Variants in MAP2K5 observed in about 807,000 individuals in gnomAD.
MAP2K5 encodes the protein dual specificity mitogen-activated protein kinase kinase 5.
A neutral mutation model predicts 83.1 loss-of-function variants in MAP2K5; 49 were observed. The observed-to-expected ratio is 0.59, with a 90% CI of 0.47 to 0.75. The LOEUF is 0.75. Among genes scored for constraint, MAP2K5 ranks in the 30% least tolerant of loss-of-function variants. The pLI is 0.00. For missense variants in MAP2K5, 457 were observed against 557.5 expected (o/e 0.82, Z 1.82); for synonymous variants, 202 against 191.8 (o/e 1.05, Z -0.44).
At chr15:67,751,917 A>G (rs577186321) in intron 19 of MAP2K5, among the ~76,000 whole-genome samples, 2 of 152,296 alleles carry the variant, frequency 1.3e-5, no homozygotes, top group South Asian at 2.1e-4. Context: ...CATGCCTTAC[A>G]TGGCTGTACT....
rs1157587428 is a variant in MAP2K5 at position 67,781,963 on chromosome 15, T to C, written c.1242+9211T>C. Among the ~76,000 whole-genome samples the C allele has an allele frequency of 6.6e-6, 1 of 152,250 alleles. No individual in the cohort carries two copies. Among genetic ancestry groups the C allele is most frequent in the Non-Finnish European group, 1.5e-5 (1 of 68,044 alleles). On this transcript the variant is annotated intron_variant, in intron 21 of 21. Coordinates refer to ENST00000178640, the MANE Select transcript of MAP2K5 (RefSeq NM_145160.3). The surrounding 1 kb of genome is among the most constrained non-coding windows in gnomAD (Gnocchi z 4.0). ...AACATTTTTAATTGGATTTTCATGG[T>C]GATTGACAGCATTTGATTATGACAG...
chr15:67,600,704 G>A lies in MAP2K5; in HGVS notation c.500G>A (p.Arg167Gln), dbSNP rs760337605. The change falls in exon 8 of 22, where the codon CGA (arginine) becomes CAA (glutamine). Residue 167 changes from arginine (R) to glutamine (Q), a missense_variant. Arg to Gln is a conservative substitution (Grantham distance 43). This residue lies in a region of MAP2K5 where 234 missense variants were observed against 243.6 expected (regional missense o/e 0.96). Transcript: ENST00000178640. ...ANGQMNEQDI[R>Q]YRDTLGHGNG... is the part of the protein sequence containing the mutation. Reference sequence around the variant, plus strand: ...GTGGAGATGAATGAACAAGACATACGATATCGGGACACTCTTGGTCATGGC... The same window carrying A: ...GTGGAGATGAATGAACAAGACATACAATATCGGGACACTCTTGGTCATGGC... The A allele has an allele frequency of 3.7e-6, 6 of 1,609,404 alleles. No individual in the cohort carries two copies. Among genetic ancestry groups the A allele is most frequent in the South Asian group, 1.1e-5 (1 of 90,468 alleles).
intron 11 of MAP2K5, among the ~76,000 whole-genome samples, chr15:67,656,359 C>T (rs1173821173): frequency 6.8e-6 from 1 of 146,580 alleles, no homozygotes; most frequent in African/African-American, 2.5e-5. Context: ...GGGTCTTACT[C>T]TGTCACCCAG....
chr15:67,598,246 C>T, intron 7 of MAP2K5, among the ~76,000 whole-genome samples: 1 of 152,082 alleles, frequency 6.6e-6, no homozygotes, highest in East Asian at 1.9e-4. Flanking sequence ...AACTGTCAAT[C>T]AGTTCACAGG....
intron 19 of MAP2K5, among the ~76,000 whole-genome samples, chr15:67,766,243 G>A (rs150119642): frequency 2.2e-4 from 34 of 152,294 alleles, no homozygotes; most frequent in African/African-American, 6.3e-4. Context: ...TAGACTCTCC[G>A]ATTGAGGCTT....
chr15:67,725,897 A>G (rs1026858775), intron 16 of MAP2K5, among the ~76,000 whole-genome samples: 1 of 152,196 alleles, frequency 6.6e-6, no homozygotes, highest in African/African-American at 2.4e-5. Flanking sequence ...TATTGAAAGG[A>G]GGTGGGGTGG....
chr15:67,631,704 G>A (rs1181819913), intron 9 of MAP2K5, among the ~76,000 whole-genome samples: 1 of 152,166 alleles, frequency 6.6e-6, no homozygotes, highest in Non-Finnish European at 1.5e-5. Flanking sequence ...CCAAACTCCA[G>A]CATCCCAGTC....
chr15:67,603,331 C>A (rs570625529), intron 8 of MAP2K5, among the ~76,000 whole-genome samples: 1 of 152,284 alleles, frequency 6.6e-6, no homozygotes, highest in East Asian at 1.9e-4. Flanking sequence ...TTCTATATGT[C>A]CTTGCCACAA....
chr15:67,586,135 A>G (rs2085283997), intron 5 of MAP2K5, among the ~76,000 whole-genome samples: 1 of 151,990 alleles, frequency 6.6e-6, no homozygotes, highest in South Asian at 2.1e-4. Flanking sequence ...TTGGTACTGT[A>G]TTTTCAATTA....
chr15:67,741,027 CAA>C (rs34516294), intron 17 of MAP2K5, among the ~76,000 whole-genome samples: 49 of 63,128 alleles, frequency 7.8e-4, no homozygotes, highest in South Asian at 2.5e-3. Context: ...GACTCCGTCT[CAA>C]AAAAAAAAAA....
chr15:67,597,193 A>AC (rs1453713165), intron 7 of MAP2K5, among the ~76,000 whole-genome samples: 1 of 151,954 alleles, frequency 6.6e-6, no homozygotes, highest in East Asian at 1.9e-4. Context: ...AAAGAAAAAA[A>AC]AAAACTACTT....
chr15:67,649,093 A>G (rs1449138191), intron 11 of MAP2K5, among the ~76,000 whole-genome samples: 1 of 152,190 alleles, frequency 6.6e-6, no homozygotes, highest in African/African-American at 2.4e-5. Flanking sequence ...TTGTAGTGTG[A>G]CATGGTATCC....
chr15:67,643,972 TACATAACTAC>T (rs2141114690), intron 9 of MAP2K5, among the ~76,000 whole-genome samples: 1 of 152,380 alleles, frequency 6.6e-6, no homozygotes, highest in East Asian at 1.9e-4. Context: ...AGTTGAATGC[TACATAACTAC>T]ACTATCATAG....
At chr15:67,759,976 A>G (rs1171483562) in intron 19 of MAP2K5, among the ~76,000 whole-genome samples, 2 of 152,240 alleles carry the variant, frequency 1.3e-5, no homozygotes, top group Non-Finnish European at 1.5e-5. Context: ...TGTGTTTCAA[A>G]GTGTTGGGAA....
At chr15:67,735,639 G>A (rs1441238131) in intron 17 of MAP2K5, among the ~76,000 whole-genome samples, 3 of 152,190 alleles carry the variant, frequency 2.0e-5, no homozygotes, top group Non-Finnish European at 4.4e-5. Flanking sequence ...AGAGGAAAAG[G>A]GAGTGGTCAG....
chr15:67,771,622 G>C (rs535361611), intron 20 of MAP2K5, among the ~76,000 whole-genome samples: 2 of 152,334 alleles, frequency 1.3e-5, no homozygotes, highest in African/African-American at 4.8e-5. Flanking sequence ...CCACTGGCGA[G>C]ACAGCTTGAA....
rs929275149 is a variant in MAP2K5, at chr15:67,750,004, T to C, written c.1134+1403T>C. ...GTAAAGGCATTCCTCACCAATACTA[T>C]GTGTGTTTCTCATTTGAATGTTTTC... On this transcript the variant is annotated intron_variant, in intron 19 of 21. Coordinates refer to ENST00000178640, the MANE Select transcript of MAP2K5 (RefSeq NM_145160.3). The surrounding 1 kb of genome is among the most constrained non-coding windows in gnomAD (Gnocchi z 4.2). 6.6e-6 allele frequency among the ~76,000 whole-genome samples: 1 copy of C among 152,240 alleles called. No homozygotes were observed. Among genetic ancestry groups the C allele is most frequent in the African/African-American group, 2.4e-5 (1 of 41,468 alleles).
rs1195999836 is a variant in MAP2K5, at chr15:67,561,923, C to G, written c.185-1360C>G. Among the ~76,000 whole-genome samples the G allele has an allele frequency of 6.6e-6, 1 of 152,182 alleles. No individual in the cohort carries two copies. Among genetic ancestry groups the G allele is most frequent in the African/African-American group, 2.4e-5 (1 of 41,426 alleles). ...GGGAAGATCCCTGTGTTGAACTGAACTCCCTCTGTACTTTCAGTAAGCATC... is the reference window on the plus strand; with the variant it reads ...GGGAAGATCCCTGTGTTGAACTGAAGTCCCTCTGTACTTTCAGTAAGCATC... On this transcript the variant is annotated intron_variant, in intron 2 of 21. Coordinates refer to ENST00000178640, the MANE Select transcript of MAP2K5 (RefSeq NM_145160.3). The surrounding 1 kb of genome is among the most constrained non-coding windows in gnomAD (Gnocchi z 4.2).
chr15:67,803,628 TG>T (rs1209710182), intron 21 of MAP2K5, among the ~76,000 whole-genome samples: 2 of 152,030 alleles, frequency 1.3e-5, no homozygotes, highest in African/African-American at 2.4e-5. Flanking sequence ...TCCTCTAACA[TG>T]GGGGTCATGG....
Sources: allele counts gnomAD v4.1 joint callset (sites outside exome capture counted in the v4.1 genomes callset), GRCh38; gene constraint gnomAD v4.1.1; regional missense constraint gnomAD v4.1.1; non-coding constraint Gnocchi (gnomAD v3.1); transcripts MANE v1.5; gene names NCBI Gene and HGNC (gene_info 2026-07-23, HGNC 2026-07-21).